SPATA17: variants seen among roughly 807,000 people sequenced by gnomAD.
SPATA17 encodes the protein spermatogenesis-associated protein 17.
In SPATA17, 53 loss-of-function variants were observed where a neutral mutation model predicts 62.2. The ratio of observed to expected loss-of-function variants is 0.85; its 90% CI spans 0.68 to 1.07. The LOEUF (loss-of-function observed/expected upper bound fraction) is 1.07. Among genes scored for constraint, SPATA17 ranks in the 50% least tolerant of loss-of-function variants. SPATA17 has a pLI of 0.00. For missense variants in SPATA17, 466 were observed against 425.5 expected (o/e 1.10, Z -0.84); for synonymous variants, 146 against 146.8 (o/e 0.99, Z 0.04).
intron 8 of SPATA17, among the ~76,000 whole-genome samples, chr1:217,800,644 G>A (rs1413177426): frequency 1.3e-5 from 2 of 152,070 alleles, no homozygotes; most frequent in African/African-American, 4.8e-5. Context: ...TTTAGTTCCT[G>A]AGCTTTTCCA....
intron 6 of SPATA17, among the ~76,000 whole-genome samples, chr1:217,761,757 T>G (rs1673177511): frequency 6.6e-6 from 1 of 152,152 alleles, no homozygotes; most frequent in South Asian, 2.1e-4. Flanking sequence ...GACCTGATAT[T>G]TACATGTAAA....
chr1:217,687,333 T>C (rs1671239504), intron 5 of SPATA17, among the ~76,000 whole-genome samples: 1 of 152,208 alleles, frequency 6.6e-6, no homozygotes, highest in Non-Finnish European at 1.5e-5. Context: ...AGTTTAAACA[T>C]AAAACAGATG....
At chr1:217,813,646 A>C (rs959772457) in intron 9 of SPATA17, among the ~76,000 whole-genome samples, 9 of 152,106 alleles carry the variant, frequency 5.9e-5, no homozygotes, top group Admixed American at 1.3e-4. Flanking sequence ...TACTCAGTTT[A>C]AGTGCTTTTT....
chr1:217,843,467 A>T (rs965917596), intron 9 of SPATA17, among the ~76,000 whole-genome samples: 5 of 152,088 alleles, frequency 3.3e-5, no homozygotes, highest in South Asian at 2.1e-4. Context: ...AAAAAATGAA[A>T]TTTTTTTGAT....
At chr1:217,634,637 T>G (rs958949336) in intron 1 of SPATA17, among the ~76,000 whole-genome samples, 2 of 152,208 alleles carry the variant, frequency 1.3e-5, no homozygotes, top group Non-Finnish European at 2.9e-5. Flanking sequence ...TTCTAATCTT[T>G]TAACTAATTT....
intron 5 of SPATA17, among the ~76,000 whole-genome samples, chr1:217,694,853 G>A (rs1270957254): frequency 2.8e-5 from 4 of 140,374 alleles, no homozygotes; most frequent in East Asian, 4.4e-4. Flanking sequence ...GGTTTCTGCC[G>A]AGAGATCCGC....
At chr1:217,840,008 G>GA (rs71301096) in intron 9 of SPATA17, among the ~76,000 whole-genome samples, 44,044 of 151,682 alleles carry the variant, frequency 0.29, 7,642 homozygotes, top group Non-Finnish European at 0.38. Context: ...TAATCTTGTC[G>GA]AAAAAAAGGA....
intron 5 of SPATA17, among the ~76,000 whole-genome samples, chr1:217,741,296 T>C (rs1672620465): frequency 6.6e-6 from 1 of 152,154 alleles, no homozygotes; most frequent in African/African-American, 2.4e-5. Context: ...TTATTTTTTG[T>C]TTATATTTCT....
At chr1:217,810,994 C>T (rs915427308) in intron 9 of SPATA17, among the ~76,000 whole-genome samples, 4 of 151,842 alleles carry the variant, frequency 2.6e-5, no homozygotes, top group Non-Finnish European at 4.4e-5. Context: ...ACCATATCAC[C>T]CTAAAAATTA....
At chr1:217,770,307 CT>C (rs1021930723) in intron 6 of SPATA17, among the ~76,000 whole-genome samples, 5 of 152,278 alleles carry the variant, frequency 3.3e-5, no homozygotes, top group African/African-American at 1.2e-4. Context: ...GTCAGCCACT[CT>C]TTTTTGCTGC....
At position 217,714,680 on chromosome 1, in the gene SPATA17, T is replaced by C. The variant is rs531900724; in HGVS notation, c.396-27295T>C. On this transcript the variant is annotated intron_variant, in intron 5 of 10. Transcript: ENST00000366933. ...TTGTATTTTTTTAGTAGAGACGGGGTTTCACCGTGTTAGCCAGGATGGTCT... is the reference window on the plus strand; with the variant it reads ...TTGTATTTTTTTAGTAGAGACGGGGCTTCACCGTGTTAGCCAGGATGGTCT... Among the ~76,000 whole-genome samples the C allele has an allele frequency of 2.6e-5, 4 of 151,506 alleles. No homozygotes were observed. The South Asian group carries it at 8.4e-4, about 32-fold the overall frequency.
intron 9 of SPATA17, among the ~76,000 whole-genome samples, chr1:217,834,514 G>A (rs1021333572): frequency 1.3e-5 from 2 of 152,048 alleles, no homozygotes; most frequent in Non-Finnish European, 2.9e-5. Flanking sequence ...CTAGGCTAAT[G>A]TGTGTATTTA....
intron 6 of SPATA17, among the ~76,000 whole-genome samples, chr1:217,757,102 C>A (rs1673063511): frequency 6.6e-6 from 1 of 152,136 alleles, no homozygotes; most frequent in East Asian, 1.9e-4. Context: ...TAGTTAATGG[C>A]AAAAGTGAGA....
At chr1:217,710,743 TAG>T (rs1671840065) in intron 5 of SPATA17, among the ~76,000 whole-genome samples, 2 of 152,212 alleles carry the variant, frequency 1.3e-5, no homozygotes, top group South Asian at 4.1e-4. Context: ...AGTACATTTG[TAG>T]AGTTTTGCAA....
At chr1:217,742,981 C>A (rs1338221955) in intron 6 of SPATA17, among the ~76,000 whole-genome samples, 1 of 150,814 alleles carries the variant, frequency 6.6e-6, no homozygotes, top group African/African-American at 2.4e-5. Flanking sequence ...AAATCCTGGG[C>A]TGGCCGTCTA....
chr1:217,758,704 C>G (rs1435844946), intron 6 of SPATA17, among the ~76,000 whole-genome samples: 1 of 152,090 alleles, frequency 6.6e-6, no homozygotes, highest in Non-Finnish European at 1.5e-5. Context: ...CAATGGAACT[C>G]AGATGAGCAA....
At chr1:217,835,008 G>T (rs535240245) in intron 9 of SPATA17, among the ~76,000 whole-genome samples, 1 of 152,250 alleles carries the variant, frequency 6.6e-6, no homozygotes, top group African/African-American at 2.4e-5. Flanking sequence ...ACAGGAACAT[G>T]CCATACAGGT....
intron 7 of SPATA17, among the ~76,000 whole-genome samples, chr1:217,775,927 T>C (rs982091767): frequency 6.6e-6 from 1 of 152,092 alleles, no homozygotes; most frequent in African/African-American, 2.4e-5. Flanking sequence ...AGAATCTAGA[T>C]TTTTTATGTA....
chr1:217,720,092 G>A (rs1254726750), intron 5 of SPATA17, among the ~76,000 whole-genome samples: 1 of 152,170 alleles, frequency 6.6e-6, no homozygotes, highest in African/African-American at 2.4e-5. Flanking sequence ...ACCGGAGGAG[G>A]GAAGGGGTAA....
Sources: gnomAD v4.1 joint callset for allele counts (sites outside exome capture counted in the v4.1 genomes callset) on GRCh38, gnomAD v4.1.1 for gene constraint, MANE v1.5 for transcripts, NCBI Gene and HGNC (gene_info 2026-07-23, HGNC 2026-07-21) for gene names.